HHLA1: variants seen among roughly 807,000 people sequenced by gnomAD.
The protein encoded by HHLA1 is HERV-H LTR-associating protein 1.
In HHLA1, 72 loss-of-function variants were observed where a neutral mutation model predicts 69.9. The ratio of observed to expected loss-of-function variants is 1.03; its 90% CI spans 0.85 to 1.25. The LOEUF (loss-of-function observed/expected upper bound fraction) is 1.25, where lower values mean the gene tolerates loss of function less well. HHLA1 is among the 50% of genes most tolerant of loss of function. The probability of loss-of-function intolerance (pLI) is 0.00; values close to 1 mark genes in which losing one functional copy is unlikely to be tolerated. For synonymous variants in HHLA1, 252 were observed against 233.2 expected (o/e 1.08, Z -0.73); for missense variants, 685 against 642.2 (o/e 1.07, Z -0.72).
At chr8:132,067,740 T>G (rs934842633) in intron 15 of HHLA1, among the ~76,000 whole-genome samples, 2 of 152,226 alleles carry the variant, frequency 1.3e-5, no homozygotes, top group Non-Finnish European at 2.9e-5. Context: ...ACTGTCAATA[T>G]GAGACTGCTG....
chr8:132,099,863 A>G (rs1824085697), intron 4 of HHLA1, among the ~76,000 whole-genome samples: 1 of 152,198 alleles, frequency 6.6e-6, no homozygotes, highest in Non-Finnish European at 1.5e-5. Context: ...TAAAAAAAAA[A>G]AAAGATTTGG....
At position 132,065,528 on chromosome 8, in the gene HHLA1, C is replaced by T. The variant is rs377735964; in HGVS notation, c.1552+358G>A. On this transcript the variant is annotated intron_variant, in intron 16 of 16. Transcript: ENST00000414222. Reference sequence around the variant, plus strand: ...CGATCTCCTGACCTCGTGATCCGCCCGCCTTGGCCTCCCAAAGTGCTGGGA... The same window carrying T: ...CGATCTCCTGACCTCGTGATCCGCCTGCCTTGGCCTCCCAAAGTGCTGGGA... Among the ~76,000 whole-genome samples, 5 of 152,292 alleles carry T rather than the reference C, an allele frequency of 3.3e-5. No homozygotes were observed. The East Asian group carries it at 5.8e-4, about 18-fold the overall frequency.
intron 15 of HHLA1, chr8:132,069,947 C>A: frequency 6.9e-6 from 1 of 145,256 alleles, no homozygotes; most frequent in Non-Finnish European, 1.4e-5. Context: ...TAGAATAAAC[C>A]TGTGCTTTGG....
chr8:132,068,558 T>C (rs999981852), intron 15 of HHLA1, among the ~76,000 whole-genome samples: 10 of 152,236 alleles, frequency 6.6e-5, no homozygotes. Flanking sequence ...AGGTGGCCTA[T>C]TTTGTTTGTC....
intron 14 of HHLA1, 99 bp downstream of exon 14, chr8:132,075,956 G>T: frequency 1.1e-6 from 1 of 893,724 alleles, no homozygotes; most frequent in Non-Finnish European, 1.7e-6. Context: ...CCATGAGTCT[G>T]ATTTTCTAAA....
In HHLA1 at chr8:132,105,167, A is replaced by G. The variant is rs1379066528; in HGVS notation, c.79+20T>C. ...CTTATTATACAGAACAGACACTTGC[A>G]GAACTCCAGCTAGACCCACCTGTGT... On this transcript the variant is annotated intron_variant, in intron 2 of 16. Transcript: ENST00000414222. The G allele has an allele frequency of 6.5e-7, 1 of 1,534,882 alleles. No homozygotes were observed. The highest frequency in any genetic ancestry group is 1.2e-5 in the South Asian group (1 of 83,684).
At chr8:132,085,223 G>T (rs1017589027) in intron 10 of HHLA1, among the ~76,000 whole-genome samples, 2 of 152,196 alleles carry the variant, frequency 1.3e-5, no homozygotes, top group Non-Finnish European at 2.9e-5. Flanking sequence ...TTCCCAGTCC[G>T]TGACCGGCGC....
chr8:132,080,101 CTA>C (rs1563743119), intron 10 of HHLA1, 135 bp from the exon 11 acceptor site: 2 of 1,230,776 alleles, frequency 1.6e-6, no homozygotes, highest in Admixed American at 2.0e-5. Flanking sequence ...CAGGCATTTG[CTA>C]TGTTTCCTGA....
intron 10 of HHLA1, chr8:132,080,760 G>A (rs1371303455): frequency 6.6e-6 from 1 of 152,348 alleles, no homozygotes; most frequent in African/African-American, 2.4e-5. Flanking sequence ...ATTTTTGGGG[G>A]GTGGTATGGA....
intron 10 of HHLA1, among the ~76,000 whole-genome samples, chr8:132,085,143 C>T (rs987871471): frequency 2.0e-5 from 3 of 152,200 alleles, no homozygotes; most frequent in African/African-American, 7.2e-5. Flanking sequence ...CGTGGTCTGA[C>T]ACCCTTGAAA....
At chr8:132,088,473 CA>C (rs1482758825) in intron 8 of HHLA1, among the ~76,000 whole-genome samples, 1 of 152,180 alleles carries the variant, frequency 6.6e-6, no homozygotes, top group African/African-American at 2.4e-5. Flanking sequence ...ATTAGATCTT[CA>C]AAGCCTGAAA....
chr8:132,065,421 A>G (rs1331574534), intron 16 of HHLA1, among the ~76,000 whole-genome samples: 1 of 152,194 alleles, frequency 6.6e-6, no homozygotes, highest in African/African-American at 2.4e-5. Flanking sequence ...AGCTGGGACT[A>G]CAGGCATCCA....
At chr8:132,082,501 A>T (rs1021820556) in intron 10 of HHLA1, among the ~76,000 whole-genome samples, 1 of 152,096 alleles carries the variant, frequency 6.6e-6, no homozygotes, top group African/African-American at 2.4e-5. Context: ...CATGATTGGC[A>T]GGGAGAGCAC....
At chr8:132,076,983 A>G (rs1397589523) in intron 12 of HHLA1, among the ~76,000 whole-genome samples, 1 of 152,144 alleles carries the variant, frequency 6.6e-6, no homozygotes, top group Non-Finnish European at 1.5e-5. Flanking sequence ...GGCTCAGTTC[A>G]ACAATTTTTG....
chr8:132,089,891 G>A (rs1823921248), intron 7 of HHLA1, among the ~76,000 whole-genome samples: 1 of 152,148 alleles, frequency 6.6e-6, no homozygotes, highest in Non-Finnish European at 1.5e-5. Flanking sequence ...CCACATTGTT[G>A]AATAATGGTC....
intron 3 of HHLA1, among the ~76,000 whole-genome samples, chr8:132,102,910 G>A (rs952278738): frequency 1.3e-4 from 20 of 151,702 alleles, no homozygotes; most frequent in African/African-American, 4.6e-4. Context: ...AAACACCAGT[G>A]GAGCACAGAT....
Position 132,087,743 on chromosome 8 carries a change from CA to C in HHLA1, c.590-5del, listed in dbSNP as rs576719869. The C allele has an allele frequency of 6.5e-7, 1 of 1,549,768 alleles. No individual in the cohort carries two copies. The highest frequency in any genetic ancestry group is 2.0e-5 in the Admixed American group (1 of 50,990). ...CAGAAGTCAGAAAGATTCCTTCCTG[CA>C]AAAATCACACCAACAGGGTCAGATC... On this transcript the variant is annotated splice_polypyrimidine_tract_variant and splice_region_variant and intron_variant, in intron 9 of 16. Transcript: ENST00000414222.
At chr8:132,069,256 A>C (rs1388830013) in intron 15 of HHLA1, among the ~76,000 whole-genome samples, 1 of 152,060 alleles carries the variant, frequency 6.6e-6, no homozygotes, top group Non-Finnish European at 1.5e-5. Context: ...CCTATTAGTT[A>C]TTTCTCCTGG....
At chr8:132,084,731 C>G (rs1205528937) in intron 10 of HHLA1, among the ~76,000 whole-genome samples, 2 of 135,232 alleles carry the variant, frequency 1.5e-5, no homozygotes, top group African/African-American at 5.7e-5. Flanking sequence ...GTGAAGGAGG[C>G]AAGCCTAGAG....
Sources: gnomAD v4.1 joint callset for allele counts (sites outside exome capture counted in the v4.1 genomes callset) on GRCh38, gnomAD v4.1.1 for gene constraint, MANE v1.5 for transcripts, NCBI Gene and HGNC (gene_info 2026-07-23, HGNC 2026-07-21) for gene names.